WDPCP: variants seen among roughly 807,000 people sequenced by gnomAD.
The protein encoded by WDPCP is WD repeat-containing and planar cell polarity effector protein fritz homolog.
A neutral mutation model predicts 93.1 loss-of-function variants in WDPCP; 71 were observed. The observed-to-expected ratio is 0.76, with a 90% CI of 0.63 to 0.93. The LOEUF (loss-of-function observed/expected upper bound fraction) is 0.93, where lower values mean the gene tolerates loss of function less well. Ranked by LOEUF, WDPCP falls within the 40% of genes least tolerant of loss-of-function variation. The pLI is 0.00. For missense variants in WDPCP, 844 were observed against 887.4 expected (o/e 0.95, Z 0.62); for synonymous variants, 315 against 315.0 (o/e 1.00, Z 0.00).
At position 63,146,438 on chromosome 2, in the gene WDPCP, TG is replaced by T. The variant is rs540400055; in HGVS notation, c.2190+6475del. Among the ~76,000 whole-genome samples, 748 of 150,316 alleles carry T rather than the reference TG, an allele frequency of 5.0e-3. 6 individuals are homozygous for T. Among genetic ancestry groups the T allele is most frequent in the Middle Eastern group, 0.014 (4 of 292 alleles). The stretch of plus-strand genomic sequence containing the variant: ...TTTTTTTTTTTTGACAGAGTCTTGC[TG>T]TATTGCCCAGGCTGGAGTGCAGTCG... On this transcript the variant is annotated intron_variant, in intron 17 of 17. Coordinates refer to ENST00000272321, the MANE Select transcript of WDPCP (RefSeq NM_015910.7).
At chr2:63,214,481 T>A (rs879832337) in intron 14 of WDPCP, among the ~76,000 whole-genome samples, 6 of 152,144 alleles carry the variant, frequency 3.9e-5, no homozygotes, top group Non-Finnish European at 8.8e-5. Context: ...CTCAAAATAA[T>A]AAGAGCTATT....
chr2:63,621,056 T>C (rs1443455764), intron 3 of WDPCP, among the ~76,000 whole-genome samples: 2 of 152,060 alleles, frequency 1.3e-5, no homozygotes, highest in Admixed American at 6.5e-5. Context: ...TCCACAAAGA[T>C]GAGGAAAAAC....
At chr2:63,269,871 A>C (rs1682480841) in intron 13 of WDPCP, among the ~76,000 whole-genome samples, 1 of 152,212 alleles carries the variant, frequency 6.6e-6, no homozygotes, top group Non-Finnish European at 1.5e-5. Context: ...CAACACATTC[A>C]AATTCATGCT....
chr2:63,742,803 T>C (rs974169817), intron 2 of WDPCP, among the ~76,000 whole-genome samples: 3 of 151,178 alleles, frequency 2.0e-5, no homozygotes, highest in Non-Finnish European at 4.4e-5. Context: ...AGGGAAACTC[T>C]ATACCCAGTC....
At chr2:63,758,289 C>A (rs756173783) in intron 2 of WDPCP, among the ~76,000 whole-genome samples, 1 of 151,596 alleles carries the variant, frequency 6.6e-6, no homozygotes, top group Non-Finnish European at 1.5e-5. Context: ...ATAAGTACTC[C>A]GTGGCAGCAA....
At chr2:63,540,746 TTTTGTTTG>T (rs765083556) in intron 1 of WDPCP, among the ~76,000 whole-genome samples, 2 of 152,118 alleles carry the variant, frequency 1.3e-5, no homozygotes, top group South Asian at 2.1e-4. Context: ...ATAGTGGTTT[TTTTGTTTG>T]TTTGTTTGTT....
At chr2:63,331,221 G>T (rs114320874) in intron 12 of WDPCP, among the ~76,000 whole-genome samples, 2,274 of 152,192 alleles carry the variant, frequency 0.015, 61 homozygotes, top group African/African-American at 0.052. Flanking sequence ...AGCTTGGAAA[G>T]ATATAAAATC....
intron 2 of WDPCP, among the ~76,000 whole-genome samples, chr2:63,727,634 C>T (rs1292356766): frequency 1.3e-5 from 2 of 152,124 alleles, no homozygotes; most frequent in African/African-American, 4.8e-5. Flanking sequence ...TGTGCCAACT[C>T]TTATTTATAT....
At chr2:63,730,228 A>C (rs1380607742) in intron 2 of WDPCP, among the ~76,000 whole-genome samples, 1 of 151,704 alleles carries the variant, frequency 6.6e-6, no homozygotes, top group Admixed American at 6.6e-5. Flanking sequence ...TTACATGAGG[A>C]ATTTGACTTA....
intron 1 of WDPCP, among the ~76,000 whole-genome samples, chr2:63,544,854 A>G (rs1317184016): frequency 1.3e-5 from 2 of 152,206 alleles, no homozygotes; most frequent in Non-Finnish European, 2.9e-5. Flanking sequence ...ACCATATTAT[A>G]TGAAATTTAA....
At chr2:63,363,104 A>G (rs1558520384) in intron 12 of WDPCP, among the ~76,000 whole-genome samples, 1 of 152,118 alleles carries the variant, frequency 6.6e-6, no homozygotes, top group Non-Finnish European at 1.5e-5. Context: ...TGTTTTTGTA[A>G]AATGTATCTA....
chr2:63,190,620 A>C (rs901504361), intron 14 of WDPCP, among the ~76,000 whole-genome samples: 2 of 152,118 alleles, frequency 1.3e-5, no homozygotes, highest in Non-Finnish European at 2.9e-5. Context: ...AGTTAGAAAA[A>C]AAATTTATAT....
intron 14 of WDPCP, among the ~76,000 whole-genome samples, chr2:63,248,676 T>C (rs141720267): frequency 6.7e-4 from 102 of 152,294 alleles, no homozygotes; most frequent in Middle Eastern, 6.8e-3. Flanking sequence ...TATTTGATGA[T>C]GTCCCATAAA....
intron 9 of WDPCP, among the ~76,000 whole-genome samples, chr2:63,427,734 G>A (rs912245641): frequency 2.0e-5 from 3 of 151,952 alleles, no homozygotes; most frequent in South Asian, 2.1e-4. Flanking sequence ...CAAAATCAGA[G>A]AACAGAACAA....
At chr2:63,721,492 C>A (rs541029902) in intron 2 of WDPCP, among the ~76,000 whole-genome samples, 43 of 152,266 alleles carry the variant, frequency 2.8e-4, no homozygotes, top group Admixed American at 2.7e-3. Flanking sequence ...CCCCTCTTAC[C>A]CCTTCTAATC....
chr2:63,537,815 CTTGT>C (rs1704411497), intron 1 of WDPCP, among the ~76,000 whole-genome samples: 2 of 152,166 alleles, frequency 1.3e-5, no homozygotes, highest in Non-Finnish European at 2.9e-5. Context: ...TACGTATTTA[CTTGT>C]TTGTCTCCTG....
chr2:63,158,033 TC>T (rs1280455314), intron 15 of WDPCP, among the ~76,000 whole-genome samples: 1 of 151,190 alleles, frequency 6.6e-6, no homozygotes, highest in African/African-American at 2.4e-5. Flanking sequence ...ATTTTTTTTT[TC>T]AGTTTATAAT....
chr2:63,464,641 C>T (rs1452402456), intron 6 of WDPCP, among the ~76,000 whole-genome samples: 1 of 151,590 alleles, frequency 6.6e-6, no homozygotes, highest in African/African-American at 2.4e-5. Flanking sequence ...TCCAGATGTC[C>T]ACTTATGGAT....
intron 1 of WDPCP, among the ~76,000 whole-genome samples, chr2:63,553,318 T>C (rs1236752486): frequency 6.6e-6 from 1 of 152,212 alleles, no homozygotes; most frequent in Non-Finnish European, 1.5e-5. Flanking sequence ...TTGTGGGAAG[T>C]ATTTCCCGCC....
Sources: gnomAD v4.1 joint callset for allele counts (sites outside exome capture counted in the v4.1 genomes callset) on GRCh38, gnomAD v4.1.1 for gene constraint, MANE v1.5 for transcripts, NCBI Gene and HGNC (gene_info 2026-07-23, HGNC 2026-07-21) for gene names.